Variants in TENM3 observed in about 807,000 individuals in gnomAD.
TENM3 encodes the protein teneurin transmembrane protein 3.
A neutral mutation model predicts 255.1 loss-of-function variants in TENM3; 63 were observed. That is an observed-to-expected ratio of 0.25 (90% CI 0.20 to 0.30). The LOEUF (loss-of-function observed/expected upper bound fraction) is 0.30. Ranked by LOEUF, TENM3 falls within the 10% of genes least tolerant of loss-of-function variation. The pLI, the probability that TENM3 is intolerant of heterozygous loss-of-function variation, is 1.00. For missense variants in TENM3, 2,929 were observed against 3,461.1 expected, an observed-to-expected ratio of 0.85 and a Z score of 3.86; for synonymous variants, 1,306 against 1,322.3, an observed-to-expected ratio of 0.99 and a Z score of 0.27.
At chr4:182,251,070 C>T in intron 1 of TENM3, among the ~76,000 whole-genome samples, 1 of 152,204 alleles carries the variant, frequency 6.6e-6, no homozygotes, top group Non-Finnish European at 1.5e-5. Flanking sequence ...GTCCCAAAGA[C>T]ATCTTCATTT....
the TENM3 span, among the ~76,000 whole-genome samples, chr4:181,712,621 C>A: frequency 6.6e-6 from 1 of 152,146 alleles, no homozygotes; most frequent in Non-Finnish European, 1.5e-5. Flanking sequence ...CCCTATTACT[C>A]CCTCAGTCCA....
the TENM3 span, among the ~76,000 whole-genome samples, chr4:181,702,417 A>T: frequency 6.6e-6 from 1 of 152,260 alleles, no homozygotes; most frequent in Non-Finnish European, 1.5e-5. Context: ...AAAACATATT[A>T]TCAAACTCCA....
chr4:181,450,051 A>T, the TENM3 span, among the ~76,000 whole-genome samples: 1 of 152,292 alleles, frequency 6.6e-6, no homozygotes, highest in Middle Eastern at 3.4e-3. Flanking sequence ...AGGAGAAATG[A>T]TGCATTTAAA....
At chr4:182,301,200 TAG>T (rs1476303037) in intron 1 of TENM3, among the ~76,000 whole-genome samples, 2 of 152,320 alleles carry the variant, frequency 1.3e-5, no homozygotes, top group African/African-American at 4.8e-5. Context: ...TGCAGTCAGA[TAG>T]AGTCAAACAT....
chr4:181,690,588 A>G, the TENM3 span, among the ~76,000 whole-genome samples: 1 of 152,208 alleles, frequency 6.6e-6, no homozygotes, highest in Non-Finnish European at 1.5e-5. Context: ...CGAAATTGTG[A>G]CACTCACTCA....
At chr4:181,691,183 A>C in the TENM3 span, among the ~76,000 whole-genome samples, 60 of 152,048 alleles carry the variant, frequency 3.9e-4, 1 homozygote, top group South Asian at 0.012. Flanking sequence ...AAAATCAAAG[A>C]TAATTGTACT....
chr4:182,453,295 T>C (rs1175065483), intron 3 of TENM3, among the ~76,000 whole-genome samples: 1 of 152,156 alleles, frequency 6.6e-6, no homozygotes, highest in African/African-American at 2.4e-5. Context: ...GCCACAGATG[T>C]TATGTTGGTA....
At chr4:182,480,050 A>G (rs1414335903) in intron 3 of TENM3, among the ~76,000 whole-genome samples, 1 of 152,044 alleles carries the variant, frequency 6.6e-6, no homozygotes, top group African/African-American at 2.4e-5. Context: ...ATGGATAGCA[A>G]CAGGAAGTAT....
the TENM3 span, among the ~76,000 whole-genome samples, chr4:181,940,615 T>C: frequency 4.1e-3 from 625 of 152,296 alleles, 5 homozygotes; most frequent in African/African-American, 0.014. Flanking sequence ...GTGATAAGAC[T>C]GCAATTTTAT....
chr4:182,234,234 G>C (rs80308729), intron 1 of TENM3, among the ~76,000 whole-genome samples: 304 of 152,196 alleles, frequency 2.0e-3, no homozygotes, highest in African/African-American at 7.2e-3. Flanking sequence ...ATCCACAAAA[G>C]TTCGTTCATC....
chr4:181,794,950 A>ATTTCTGT, the TENM3 span, among the ~76,000 whole-genome samples: 1 of 152,166 alleles, frequency 6.6e-6, no homozygotes, highest in Non-Finnish European at 1.5e-5. Flanking sequence ...AATTCACAGA[A>ATTTCTGT]GAAATTCACC....
the TENM3 span, among the ~76,000 whole-genome samples, chr4:181,844,527 G>C: frequency 1.3e-5 from 2 of 151,938 alleles, no homozygotes; most frequent in African/African-American, 2.4e-5. Flanking sequence ...AATTAGCCGG[G>C]AGTGGTGGCG....
In TENM3 at chr4:182,720,766, C is replaced by CTTTTTTTT. The variant is rs11369655; in HGVS notation, c.2368+6544_2368+6551dup. ...CGGGTTGGTACTAAAAGTCTCCCCT[C>CTTTTTTTT]TTTTTTTTTTTTTTTTTTGAGACAG... is the stretch of plus-strand genomic sequence containing the variant. On this transcript the variant is annotated intron_variant, in intron 13 of 27. Transcript: ENST00000511685. Among the ~76,000 whole-genome samples the CTTTTTTTT allele has an allele frequency of 3.5e-4, 45 of 129,792 alleles. 2 individuals carry two copies. Among genetic ancestry groups the CTTTTTTTT allele is most frequent in the South Asian group, 5.3e-4 (2 of 3,800 alleles). 85.1% of individuals were successfully genotyped at this position (129,792 alleles called of 152,430 possible).
the TENM3 span, among the ~76,000 whole-genome samples, chr4:181,572,186 G>A: frequency 1.9e-4 from 13 of 68,622 alleles, no homozygotes; most frequent in South Asian, 9.5e-4. Flanking sequence ...CCCAAAGTTC[G>A]GAATGCTTGA....
chr4:181,641,876 G>T, the TENM3 span, among the ~76,000 whole-genome samples: 1 of 119,944 alleles, frequency 8.3e-6, no homozygotes, highest in East Asian at 2.7e-4. Flanking sequence ...TATCATTGAT[G>T]GACATTTGGG....
At chr4:182,098,521 G>A in the TENM3 span, among the ~76,000 whole-genome samples, 9 of 152,092 alleles carry the variant, frequency 5.9e-5, no homozygotes, top group Admixed American at 2.0e-4. Context: ...AATGAAATCC[G>A]GTCATTTGCA....
At chr4:182,531,953 C>G (rs776697092) in intron 3 of TENM3, among the ~76,000 whole-genome samples, 53 of 152,160 alleles carry the variant, frequency 3.5e-4, no homozygotes, top group Non-Finnish European at 6.9e-4. Flanking sequence ...CCAGCCACGG[C>G]TAGCCTTGCA....
chr4:181,810,562 C>T, the TENM3 span, among the ~76,000 whole-genome samples: 1 of 152,002 alleles, frequency 6.6e-6, no homozygotes, highest in Non-Finnish European at 1.5e-5. Flanking sequence ...TCATACAAGA[C>T]CCTGCACTTA....
At chr4:182,066,599 A>ATATATATATATATATATATAT in the TENM3 span, among the ~76,000 whole-genome samples, 3 of 137,110 alleles carry the variant, frequency 2.2e-5, no homozygotes, top group African/African-American at 8.6e-5. Flanking sequence ...GTAAAAAAAA[A>ATATATATATATATATATATAT]ATATATATAT....
Sources: gnomAD v4.1 joint callset for allele counts (sites outside exome capture counted in the v4.1 genomes callset) on GRCh38, gnomAD v4.1.1 for gene constraint, MANE v1.5 for transcripts, NCBI Gene and HGNC (gene_info 2026-07-23, HGNC 2026-07-21) for gene names.